ASH1L: variants seen among roughly 807,000 people sequenced by gnomAD.
ASH1L encodes the protein ASH1 like histone lysine methyltransferase.
ASH1L carries 23 observed loss-of-function variants against 269.0 expected under a neutral mutation model. That is an observed-to-expected ratio of 0.09 (90% CI 0.06 to 0.12). The LOEUF (loss-of-function observed/expected upper bound fraction) is 0.12. Ranked by LOEUF, ASH1L falls within the 10% of genes least tolerant of loss-of-function variation. The pLI, the probability that ASH1L is intolerant of heterozygous loss-of-function variation, is 1.00. For missense variants in ASH1L, 2,912 were observed against 3,567.8 expected, an observed-to-expected ratio of 0.82 and a Z score of 4.68; for synonymous variants, 1,187 against 1,253.5, an observed-to-expected ratio of 0.95 and a Z score of 1.12.
At chr1:155,527,200 TC>T (rs1483759718) in intron 1 of ASH1L, among the ~76,000 whole-genome samples, 1 of 151,042 alleles carries the variant, frequency 6.6e-6, no homozygotes, top group Non-Finnish European at 1.5e-5. Flanking sequence ...AGAGCGAGAC[TC>T]CGTCTCAAAA....
chr1:155,365,541 A>G (rs985987392), intron 12 of ASH1L, among the ~76,000 whole-genome samples: 1 of 152,088 alleles, frequency 6.6e-6, no homozygotes, highest in African/African-American at 2.4e-5. Flanking sequence ...GTTCTTAACA[A>G]TTGAGTAAAA....
chr1:155,434,227 G>A lies in ASH1L; in HGVS notation c.5828+4100C>T, dbSNP rs1661888991. 11 of 1,600,616 alleles carry A rather than the reference G, an allele frequency of 6.9e-6. No homozygotes were observed. In the East Asian group the frequency reaches 1.3e-4, roughly 20 times the overall value. On this transcript the variant is annotated intron_variant, in intron 5 of 27. Transcript: ENST00000392403. ...AGGGGGAAGCCTTTCCCCCGTCTCC[G>A]TCACCACCCTGGGCTCTCCCATGCA... is the stretch of plus-strand genomic sequence containing the variant.
chr1:155,400,794 A>G (rs891283090), intron 6 of ASH1L, among the ~76,000 whole-genome samples: 1 of 152,228 alleles, frequency 6.6e-6, no homozygotes, highest in Non-Finnish European at 1.5e-5. Flanking sequence ...ATTTAGATAA[A>G]CATAAATTTA....
chr1:155,485,371 T>G lies in ASH1L; in HGVS notation c.421-2922A>C, dbSNP rs1362023966. 2.0e-5 allele frequency among the ~76,000 whole-genome samples: 3 copies of G among 152,070 alleles called. No homozygotes were observed. In the East Asian group the frequency reaches 5.8e-4, roughly 29 times the overall value. ...TCTTGCTCTGTCACCCAGGCTGGAG[T>G]GCAATGGCATAGTCATAGCTCACTG... On this transcript the variant is annotated intron_variant, in intron 2 of 27. Coordinates refer to ENST00000392403, the MANE Select transcript of ASH1L (RefSeq NM_018489.3).
Position 155,479,323 on chromosome 1 carries a change from C to A in ASH1L, c.3547G>T (p.Ala1183Ser). 1 of 1,614,076 alleles carries A rather than the reference C, an allele frequency of 6.2e-7. No individual in the cohort carries two copies. The highest frequency in any genetic ancestry group is 8.5e-7 in the Non-Finnish European group (1 of 1,180,012). ...HLSELTSLKE[A>S]TPSPISESHS... is the part of the protein sequence containing the mutation. ...GACTCACTGATTGGGGAAGGAGTAG[C>A]TTCTTTTAGAGATGTGAGTTCACTC... The change falls in exon 3 of 28, where the codon GCT (alanine) becomes TCT (serine). Residue 1183 changes from alanine to serine, a missense_variant. Physicochemically the swap from Ala to Ser is moderately conservative, Grantham distance 99. Around this residue, in one of 13 missense-constraint regions of ASH1L, gnomAD observed 157 missense variants for 154.6 expected, o/e 1.02. Coordinates refer to ENST00000392403, the MANE Select transcript of ASH1L (RefSeq NM_018489.3).
intron 12 of ASH1L, among the ~76,000 whole-genome samples, chr1:155,363,348 T>C (rs1278512465): frequency 6.6e-6 from 1 of 152,040 alleles, no homozygotes; most frequent in Non-Finnish European, 1.5e-5. Context: ...CAATCTCAGC[T>C]CCCTGCAACC....
chr1:155,535,642 T>C (rs956109146), intron 1 of ASH1L, among the ~76,000 whole-genome samples: 2 of 143,310 alleles, frequency 1.4e-5, no homozygotes, highest in Admixed American at 7.0e-5. Flanking sequence ...CAAGACCCCA[T>C]CTCTTAAAAA....
At chr1:155,537,707 G>C (rs1670149758) in intron 1 of ASH1L, among the ~76,000 whole-genome samples, 1 of 151,718 alleles carries the variant, frequency 6.6e-6, no homozygotes, top group Non-Finnish European at 1.5e-5. Context: ...TTGTGACTTT[G>C]GGTTAGGCAA....
chr1:155,451,070 G>A (rs558147121), intron 4 of ASH1L, among the ~76,000 whole-genome samples: 1 of 151,398 alleles, frequency 6.6e-6, no homozygotes, highest in East Asian at 1.9e-4. Context: ...GGTGGCACAT[G>A]CCTGTAATCC....
intron 6 of ASH1L, among the ~76,000 whole-genome samples, chr1:155,400,313 T>C (rs1658720795): frequency 1.3e-5 from 2 of 148,156 alleles, no homozygotes; most frequent in Admixed American, 6.8e-5. Flanking sequence ...GCCTGGGTGA[T>C]AGAGCGAGAC....
intron 2 of ASH1L, among the ~76,000 whole-genome samples, chr1:155,516,410 GTTTT>G (rs1668506946): frequency 2.6e-5 from 4 of 152,112 alleles, no homozygotes; most frequent in African/African-American, 9.7e-5. Context: ...AGACGACACA[GTTTT>G]ATATGTAGAA....
chr1:155,488,479 G>A (rs959094752), intron 2 of ASH1L, among the ~76,000 whole-genome samples: 1 of 120,066 alleles, frequency 8.3e-6, no homozygotes, highest in African/African-American at 3.2e-5. Context: ...CCAACATGGT[G>A]AAACTCGCCT....
intron 7 of ASH1L, among the ~76,000 whole-genome samples, chr1:155,387,759 C>G (rs1657557432): frequency 6.6e-6 from 1 of 152,152 alleles, no homozygotes; most frequent in African/African-American, 2.4e-5. Flanking sequence ...ATTTATTCTT[C>G]CAATCCATAA....
At chr1:155,431,471 G>A (rs1003856829) in intron 5 of ASH1L, among the ~76,000 whole-genome samples, 1 of 151,806 alleles carries the variant, frequency 6.6e-6, no homozygotes, top group Non-Finnish European at 1.5e-5. Context: ...TAAATGTTTT[G>A]TAGAGATGGA....
At chr1:155,460,761 C>T (rs1183112130) in intron 3 of ASH1L, among the ~76,000 whole-genome samples, 1 of 152,128 alleles carries the variant, frequency 6.6e-6, no homozygotes, top group African/African-American at 2.4e-5. Context: ...TCTTTTAAAG[C>T]TGTACACTTA....
chr1:155,369,872 T>A (rs1220375127), intron 12 of ASH1L, among the ~76,000 whole-genome samples: 1 of 152,094 alleles, frequency 6.6e-6, no homozygotes, highest in Admixed American at 6.6e-5. Context: ...CGGGTTCAAG[T>A]AATTCTCCTG....
chr1:155,441,728 A>C (rs1024682160), intron 4 of ASH1L, among the ~76,000 whole-genome samples: 6 of 149,628 alleles, frequency 4.0e-5, no homozygotes, highest in Non-Finnish European at 8.9e-5. Context: ...GGCCTCCCAA[A>C]GTGCTGGAAT....
Position 155,380,033 on chromosome 1 carries a change from C to T in ASH1L, c.6177+10G>A, listed in dbSNP as rs1390419052. On this transcript the variant is annotated intron_variant, in intron 8 of 27. Transcript: ENST00000392403. ...TAAGAATGAAACCTGGTAAAACAGG[C>T]TCTCTGTACCTGATTGTGTTTCCAC... 6 of 1,595,612 alleles carry T rather than the reference C, an allele frequency of 3.8e-6. No homozygotes were observed. The highest frequency in any genetic ancestry group is 3.4e-6 in the Non-Finnish European group (4 of 1,166,062).
intron 4 of ASH1L, among the ~76,000 whole-genome samples, chr1:155,445,174 T>A (rs1662913285): frequency 6.6e-6 from 1 of 152,190 alleles, no homozygotes; most frequent in African/African-American, 2.4e-5. Context: ...ATTGAAATAG[T>A]CACATTTGTC....
Sources: allele counts gnomAD v4.1 joint callset (sites outside exome capture counted in the v4.1 genomes callset), GRCh38; gene constraint gnomAD v4.1.1; regional missense constraint gnomAD v4.1.1; transcripts MANE v1.5; gene names NCBI Gene and HGNC (gene_info 2026-07-23, HGNC 2026-07-21).